Variants in SRP19 observed in about 807,000 individuals in gnomAD.
The protein encoded by SRP19 is signal recognition particle 19.
SRP19 carries 11 observed loss-of-function variants against 22.4 expected under a neutral mutation model. The ratio of observed to expected loss-of-function variants is 0.49; its 90% confidence interval spans 0.31 to 0.81. The LOEUF (loss-of-function observed/expected upper bound fraction) is 0.81, where lower values mean the gene tolerates loss of function less well. Among genes scored for constraint, SRP19 ranks in the 40% least tolerant of loss-of-function variants. The probability of loss-of-function intolerance (pLI) is 0.05; values close to 1 mark genes in which losing one functional copy is unlikely to be tolerated. For missense variants in SRP19, 168 were observed against 175.9 expected, an observed-to-expected ratio of 0.96 and a Z score of 0.25; for synonymous variants, 61 against 57.6, an observed-to-expected ratio of 1.06 and a Z score of -0.27.
chr5:112,878,755 G>A (rs774137475), intron 4 of SRP19: 2 of 1,613,820 alleles, frequency 1.2e-6, no homozygotes, highest in Non-Finnish European at 1.7e-6. Flanking sequence ...GGAAGGTACA[G>A]AGAGGGCAGG....
Position 112,861,303 on chromosome 5 carries a change from T to G in SRP19, c.-74T>G. On this transcript the variant is annotated 5_prime_UTR_variant, in exon 1 of 5. Coordinates refer to ENST00000505459, the MANE Select transcript of SRP19 (RefSeq NM_003135.3). ...CGGAAAAGCGGGCTGTCTCGGAAAC[T>G]CAGAGCCGGGTTCCTCCCGGGTTTC... is the stretch of plus-strand genomic sequence containing the variant. 1 of 1,579,104 alleles carries G rather than the reference T, an allele frequency of 6.3e-7. No homozygotes were observed. Among genetic ancestry groups the G allele is most frequent in the Non-Finnish European group, 8.7e-7 (1 of 1,148,340 alleles).
chr5:112,888,221 A>T (rs1397140279), intron 4 of SRP19, among the ~76,000 whole-genome samples: 1 of 152,196 alleles, frequency 6.6e-6, no homozygotes, highest in Non-Finnish European at 1.5e-5. Flanking sequence ...ATAATCAACA[A>T]GCTATGATGG....
In SRP19 at chr5:112,868,092, G is replaced by A; in HGVS notation, c.*555G>A. Reference sequence around the variant, plus strand: ...GTAGATGATATTTTAATATATTATTGTAATCGAATCGTTCAGTTGTTTTTT... The same window carrying A: ...GTAGATGATATTTTAATATATTATTATAATCGAATCGTTCAGTTGTTTTTT... On this transcript the variant is annotated 3_prime_UTR_variant, in exon 5 of 5. Transcript: ENST00000505459. 1 of 985,392 alleles carries A rather than the reference G, an allele frequency of 1.0e-6. No homozygotes were observed. 61.0% of individuals were successfully genotyped at this position (985,392 alleles called of 1,614,324 possible).
At chr5:112,895,573 C>A (rs760530510), downstream of SRP19, 12 of 152,176 alleles carry the variant, frequency 7.9e-5, no homozygotes, top group African/African-American at 2.9e-4. Flanking sequence ...TGACTACTTT[C>A]TGGTACCCTC....
chr5:112,863,764 A>C (rs1171595015), intron 2 of SRP19, among the ~76,000 whole-genome samples: 1 of 152,104 alleles, frequency 6.6e-6, no homozygotes, highest in African/African-American at 2.4e-5. Context: ...TCCTGGACTC[A>C]AGCCATCCTC....
rs755339642 is a variant in SRP19, at chr5:112,868,718, C to G, written c.*1181C>G. ...CCCGGCCTTCTTTACATTTTTATTG[C>G]TCACAGTCAAACATTCCTATTGATT... On this transcript the variant is annotated 3_prime_UTR_variant, in exon 5 of 5. Coordinates refer to ENST00000505459, the MANE Select transcript of SRP19 (RefSeq NM_003135.3). 1 of 151,634 alleles carries G rather than the reference C, an allele frequency of 6.6e-6. No individual in the cohort carries two copies. Among genetic ancestry groups the G allele is most frequent in the Non-Finnish European group, 1.5e-5 (1 of 68,000 alleles). The allele number at this position is 151,634 out of a possible 1,614,324, so 9.4% of individuals were successfully genotyped here. A position where few individuals can be genotyped will look rare whatever the true frequency, so the allele number is the denominator to read the frequency against.
In SRP19 at chr5:112,867,314, A is replaced by T. The variant is rs534258482; in HGVS notation, c.302-90A>T. 2.6e-5 allele frequency: 37 copies of T among 1,420,468 alleles called. No homozygotes were observed. In the South Asian group the frequency reaches 5.3e-4, roughly 20 times the overall value. 88.0% of individuals were successfully genotyped at this position (1,420,468 alleles called of 1,614,324 possible). A position where few individuals can be genotyped will look rare whatever the true frequency, so the allele number is the denominator to read the frequency against. On this transcript the variant is annotated intron_variant, in intron 4 of 4. Coordinates refer to ENST00000505459, the MANE Select transcript of SRP19 (RefSeq NM_003135.3). ...AGTTATTTTCCATTTTCTTGATGTG[A>T]TAGTTTCTTACACTTTGTGATATTC...
chr5:112,891,509 T>G (rs1768446824), intron 4 of SRP19: 2 of 1,282,384 alleles, frequency 1.6e-6, no homozygotes, highest in African/African-American at 3.0e-5. Context: ...TATATAAGTA[T>G]GCAAACAAAA....
exon 5 of SRP19, chr5:112,892,725 T>C: frequency 6.2e-7 from 1 of 1,614,018 alleles, no homozygotes; most frequent in African/African-American, 1.3e-5. Flanking sequence ...GCTCCTCCTT[T>C]GGCAAGAACT....
At chr5:112,864,812 G>T (rs748269527) in intron 4 of SRP19, 80 bp downstream of exon 4, 12 of 1,106,778 alleles carry the variant, frequency 1.1e-5, no homozygotes, top group Non-Finnish European at 1.6e-5. Flanking sequence ...AAAACTGAAA[G>T]GTAAAAGTCA....
downstream of SRP19, chr5:112,896,329 G>A (rs527560213): frequency 2.0e-5 from 3 of 152,466 alleles, no homozygotes; most frequent in Non-Finnish European, 4.4e-5. Flanking sequence ...TTTGAGACCA[G>A]CCTGGCCAAC....
intron 2 of SRP19, 45 bp downstream of exon 2, chr5:112,862,628 T>C (rs1490739496): frequency 6.4e-7 from 1 of 1,567,680 alleles, no homozygotes; most frequent in Admixed American, 1.7e-5. Flanking sequence ...GAATGGGGGG[T>C]GTCATCCTGG....
chr5:112,864,575 A>G, intron 3 of SRP19, 46 bp from the exon 4 acceptor site: 1 of 1,611,396 alleles, frequency 6.2e-7, no homozygotes, highest in Non-Finnish European at 8.5e-7. Flanking sequence ...TAATTGATGT[A>G]ATAACTTTCT....
At chr5:112,877,504 C>T (rs1767933773) in intron 4 of SRP19, 2 of 152,120 alleles carry the variant, frequency 1.3e-5, no homozygotes, top group African/African-American at 4.8e-5. Flanking sequence ...TCTGTACTTA[C>T]TATGTAGTCA....
At chr5:112,887,584 T>C (rs1189923259) in intron 4 of SRP19, among the ~76,000 whole-genome samples, 1 of 152,210 alleles carries the variant, frequency 6.6e-6, no homozygotes, top group Non-Finnish European at 1.5e-5. Flanking sequence ...GGCCTGTGCT[T>C]GGTAGGCTTA....
chr5:112,884,840 C>T (rs1768193148), intron 4 of SRP19, among the ~76,000 whole-genome samples: 1 of 151,418 alleles, frequency 6.6e-6, no homozygotes. Flanking sequence ...AATATACTAT[C>T]TAATTTTCAA....
In SRP19 at chr5:112,862,525, C is replaced by T. The variant is rs754053988; in HGVS notation, c.59C>T (p.Pro20Leu). 2 of 1,613,958 alleles carry T rather than the reference C, an allele frequency of 1.2e-6. No homozygotes were observed. The highest frequency in any genetic ancestry group is 2.2e-5 in the East Asian group (1 of 44,886). ...ADQDRFICIY[P>L]AYLNNKKTIA... ...TATGGCAGGTTTATTTGTATCTATC[C>T]TGCTTATTTAAATAATAAGAAGACC... is the stretch of plus-strand genomic sequence containing the variant. Residue 20 changes from proline to leucine, a missense_variant, in exon 2 of 5, where the codon CCT becomes CTT. Coordinates refer to ENST00000505459, the MANE Select transcript of SRP19 (RefSeq NM_003135.3).
intron 4 of SRP19, 147 bp downstream of exon 4, chr5:112,864,879 A>T: frequency 1.9e-6 from 1 of 517,834 alleles, no homozygotes; most frequent in Non-Finnish European, 3.3e-6. Context: ...GGAGAGAAGC[A>T]GTAGTTCTAA....
exon 5 of SRP19, chr5:112,892,891 A>G (rs1410333071): frequency 2.7e-5 from 43 of 1,611,612 alleles, no homozygotes; most frequent in Non-Finnish European, 3.3e-5. Flanking sequence ...ACGCACATCA[A>G]AGAGTCGGGA....
Sources: allele counts gnomAD v4.1 joint callset (sites outside exome capture counted in the v4.1 genomes callset), GRCh38; gene constraint gnomAD v4.1.1; transcripts MANE v1.5; gene names NCBI Gene and HGNC (gene_info 2026-07-23, HGNC 2026-07-21).